JHY: variants seen among roughly 807,000 people sequenced by gnomAD.
The protein encoded by JHY is jhy protein homolog.
JHY carries 69 observed loss-of-function variants against 78.0 expected under a neutral mutation model. The ratio of observed to expected loss-of-function variants is 0.88; its 90% CI spans 0.73 to 1.08. JHY has a LOEUF of 1.08. Among genes scored for constraint, JHY ranks in the 50% least tolerant of loss-of-function variants. The pLI is 0.00. For missense variants in JHY, 944 were observed against 927.8 expected (o/e 1.02, Z -0.23); for synonymous variants, 368 against 342.6 (o/e 1.07, Z -0.82).
At chr11:122,944,882 T>C (rs1333866968) in intron 5 of JHY, among the ~76,000 whole-genome samples, 1 of 152,178 alleles carries the variant, frequency 6.6e-6, no homozygotes, top group African/African-American at 2.4e-5. Context: ...TATTTTGTTT[T>C]GTTTTTATTT....
At chr11:122,954,905 A>G (rs1214303868) in intron 6 of JHY, among the ~76,000 whole-genome samples, 2 of 152,244 alleles carry the variant, frequency 1.3e-5, no homozygotes, top group Non-Finnish European at 2.9e-5. Context: ...ACAGTTAGGT[A>G]CACAACAGCT....
chr11:122,902,301 T>TA (rs879471771), intron 2 of JHY, among the ~76,000 whole-genome samples: 1,520 of 141,212 alleles, frequency 0.011, 32 homozygotes, highest in African/African-American at 0.036. Flanking sequence ...TACTAAAAAT[T>TA]AAAAAAAAAA....
At chr11:122,959,175 A>G (rs750585290) in intron 8 of JHY, 73 bp from the exon 9 acceptor site, 1 of 1,491,090 alleles carries the variant, frequency 6.7e-7, no homozygotes, top group Non-Finnish European at 9.1e-7. Context: ...ATAAATAAAC[A>G]TTTCCTAGAT....
rs138087851 is a variant in JHY at position 122,890,589 on chromosome 11, C to T, written c.344+4396C>T. Among the ~76,000 whole-genome samples the T allele has an allele frequency of 4.1e-4, 62 of 152,212 alleles. 1 individual carries two copies. The East Asian group carries it at 0.011, about 27-fold the overall frequency. On this transcript the variant is annotated intron_variant, in intron 2 of 8. Coordinates refer to ENST00000227349, the MANE Select transcript of JHY (RefSeq NM_024806.4). ...GGATCCATGAAGTGACCTCATTTCC[C>T]AGTTGTTGGGTTTTTTTCTCCTTTT...
intron 2 of JHY, among the ~76,000 whole-genome samples, chr11:122,887,945 C>A (rs1862530642): frequency 6.6e-6 from 1 of 152,134 alleles, no homozygotes; most frequent in Non-Finnish European, 1.5e-5. Context: ...AATGATTTGT[C>A]CTTGGGATAC....
Position 122,940,011 on chromosome 11 carries a change from C to A in JHY, c.1634+4936C>A, listed in dbSNP as rs539067272. On this transcript the variant is annotated intron_variant, in intron 5 of 8. Transcript: ENST00000227349. ...TCCAGTATTCAGTGTTCATACATTTCATTTACTTTTTGTCCCTTTAATTAA... is the reference window on the plus strand; with the variant it reads ...TCCAGTATTCAGTGTTCATACATTTAATTTACTTTTTGTCCCTTTAATTAA... Among the ~76,000 whole-genome samples, 6 of 149,650 alleles carry A rather than the reference C, an allele frequency of 4.0e-5. No homozygotes were observed. The East Asian group carries it at 1.2e-3, about 29-fold the overall frequency.
At chr11:122,914,309 G>T (rs1264199195) in intron 3 of JHY, among the ~76,000 whole-genome samples, 1 of 152,008 alleles carries the variant, frequency 6.6e-6, no homozygotes, top group East Asian at 1.9e-4. Flanking sequence ...ACTTTTGGTT[G>T]TCTATAAGAT....
chr11:122,905,285 G>A, intron 3 of JHY: 1 of 1,612,688 alleles, frequency 6.2e-7, no homozygotes, highest in Non-Finnish European at 8.5e-7. Context: ...ACCTCCTATG[G>A]ACATGTCCAG....
intron 7 of JHY, among the ~76,000 whole-genome samples, chr11:122,956,847 T>C (rs1026195092): frequency 6.6e-6 from 1 of 152,112 alleles, no homozygotes; most frequent in African/African-American, 2.4e-5. Context: ...TGAAAAGAAA[T>C]GTGTATGTTA....
At position 122,928,966 on chromosome 11, in the gene JHY, C is replaced by T. The variant is rs544925164; in HGVS notation, c.978+3956C>T. 2.8e-5 allele frequency among the ~76,000 whole-genome samples: 4 copies of T among 144,122 alleles called. No individual in the cohort carries two copies. The South Asian group carries it at 9.0e-4, about 32-fold the overall frequency. The allele number at this position is 144,122 out of a possible 152,430, so 94.5% of individuals were successfully genotyped here. A position where few individuals can be genotyped will look rare whatever the true frequency, so the allele number is the denominator to read the frequency against. ...CCTGGCCCATTTTTTCTTTTTAAGG[C>T]TGAGTTTCACTCTCGTTACCCAGGC... On this transcript the variant is annotated intron_variant, in intron 4 of 8. Transcript: ENST00000227349.
In JHY at chr11:122,904,013, G is replaced by A. The variant is rs767478909; in HGVS notation, c.433G>A (p.Glu145Lys). 4 of 1,614,176 alleles carry A rather than the reference G, an allele frequency of 2.5e-6. No individual in the cohort carries two copies. Among genetic ancestry groups the A allele is most frequent in the East Asian group, 4.5e-5 (2 of 44,872 alleles). The change falls in exon 3 of 9, where the codon GAA becomes AAA. Residue 145 changes from glutamate (E) to lysine (K), a missense_variant. Coordinates refer to ENST00000227349, the MANE Select transcript of JHY (RefSeq NM_024806.4). ...KKEEGQLLSV[E>K]ALPESTDSSL... is the part of the protein sequence containing the mutation. ...GGAGGAAGGGCAGCTGCTGTCTGTG[G>A]AAGCGTTGCCGGAGTCCACGGACAG...
In JHY at chr11:122,963,055, T is replaced by G. The variant is rs1864346049; in HGVS notation, c.*3610T>G. Among the ~76,000 whole-genome samples, 1 of 152,152 alleles carries G rather than the reference T, an allele frequency of 6.6e-6. No homozygotes were observed. Among genetic ancestry groups the G allele is most frequent in the South Asian group, 2.1e-4 (1 of 4,836 alleles). ...CTATGTACCTAATAGTTTTTTAGCA[T>G]GTACAATCTGCCAACTTCCTTACAA... On this transcript the variant is annotated 3_prime_UTR_variant, in exon 9 of 9. Coordinates refer to ENST00000227349, the MANE Select transcript of JHY (RefSeq NM_024806.4).
chr11:122,890,738 G>GT (rs1187957566), intron 2 of JHY, among the ~76,000 whole-genome samples: 1 of 152,134 alleles, frequency 6.6e-6, no homozygotes, highest in African/African-American at 2.4e-5. Context: ...TAGATCCTTG[G>GT]TTTTCTCATT....
At chr11:122,910,533 G>T (rs572182447) in intron 3 of JHY, among the ~76,000 whole-genome samples, 5 of 151,894 alleles carry the variant, frequency 3.3e-5, no homozygotes, top group African/African-American at 4.8e-5. Context: ...TTCATGGCAC[G>T]CATAAGAAAT....
chr11:122,899,399 C>T (rs1014788871), intron 2 of JHY, among the ~76,000 whole-genome samples: 1 of 152,132 alleles, frequency 6.6e-6, no homozygotes, highest in African/African-American at 2.4e-5. Flanking sequence ...ACAGTTGAAA[C>T]TTATGTTTAA....
At chr11:122,902,580 C>T (rs1001764137) in intron 2 of JHY, among the ~76,000 whole-genome samples, 1 of 152,168 alleles carries the variant, frequency 6.6e-6, no homozygotes, top group Non-Finnish European at 1.5e-5. Flanking sequence ...CTCACAGTTC[C>T]ACAGGCTCTA....
At chr11:122,897,743 G>A (rs1293317720) in intron 2 of JHY, among the ~76,000 whole-genome samples, 7 of 152,166 alleles carry the variant, frequency 4.6e-5, no homozygotes, top group South Asian at 2.1e-4. Context: ...TACATGTGAT[G>A]GAAGGAGGTC....
At chr11:122,954,025 A>G (rs1055303254) in intron 6 of JHY, among the ~76,000 whole-genome samples, 1 of 152,224 alleles carries the variant, frequency 6.6e-6, no homozygotes, top group Non-Finnish European at 1.5e-5. Flanking sequence ...CTGAGATGTT[A>G]GGAATATTGC....
intron 5 of JHY, among the ~76,000 whole-genome samples, chr11:122,937,790 CT>C (rs1863789275): frequency 6.6e-6 from 1 of 152,116 alleles, no homozygotes; most frequent in Non-Finnish European, 1.5e-5. Flanking sequence ...AGTTTCGTCT[CT>C]AATTTTGATA....
Sources: gnomAD v4.1 joint callset for allele counts (sites outside exome capture counted in the v4.1 genomes callset) on GRCh38, gnomAD v4.1.1 for gene constraint, MANE v1.5 for transcripts, NCBI Gene and HGNC (gene_info 2026-07-23, HGNC 2026-07-21) for gene names.